Variants in AMPH observed in about 807,000 individuals in gnomAD.
The protein encoded by AMPH is amphiphysin (Stiff-Mann syndrome with breast cancer 128kD autoantigen).
AMPH carries 49 observed loss-of-function variants against 99.1 expected under a neutral mutation model. That is an observed-to-expected ratio of 0.49 (90% CI 0.39 to 0.63). The LOEUF is 0.63. Ranked by LOEUF, AMPH falls within the 20% of genes least tolerant of loss-of-function variation. The probability of loss-of-function intolerance (pLI) is 0.00; values close to 1 mark genes in which losing one functional copy is unlikely to be tolerated. For synonymous variants in AMPH, 314 were observed against 317.3 expected, an observed-to-expected ratio of 0.99 and a Z score of 0.11; for missense variants, 759 against 863.4, an observed-to-expected ratio of 0.88 and a Z score of 1.52.
intron 11 of AMPH, among the ~76,000 whole-genome samples, chr7:38,456,713 T>C (rs1787248001): frequency 6.6e-6 from 1 of 152,144 alleles, no homozygotes; most frequent in Non-Finnish European, 1.5e-5. Flanking sequence ...TGCCCAGAGA[T>C]TTGAGAACCT....
At chr7:38,560,642 A>C (rs1002009365) in intron 1 of AMPH, among the ~76,000 whole-genome samples, 1 of 152,212 alleles carries the variant, frequency 6.6e-6, no homozygotes, top group South Asian at 2.1e-4. Context: ...CAAGAAGAGA[A>C]CTTGTTCTAA....
intron 5 of AMPH, among the ~76,000 whole-genome samples, chr7:38,478,091 A>C (rs1384228415): frequency 6.7e-6 from 1 of 149,516 alleles, no homozygotes; most frequent in Non-Finnish European, 1.5e-5. Flanking sequence ...AACAAACAAA[A>C]CAACAACAAC....
intron 1 of AMPH, among the ~76,000 whole-genome samples, chr7:38,563,024 C>T (rs942993343): frequency 1.3e-5 from 2 of 152,124 alleles, no homozygotes; most frequent in Admixed American, 1.3e-4. Context: ...AATTGTTAAG[C>T]ATGTTATGTT....
chr7:38,579,519 C>A (rs982362132), intron 1 of AMPH, among the ~76,000 whole-genome samples: 1 of 152,230 alleles, frequency 6.6e-6, no homozygotes, highest in Non-Finnish European at 1.5e-5. Context: ...GCTATCTTCT[C>A]CAGAGCAGTA....
intron 1 of AMPH, among the ~76,000 whole-genome samples, chr7:38,576,526 G>T (rs116280409): frequency 6.6e-6 from 1 of 152,188 alleles, no homozygotes; most frequent in Non-Finnish European, 1.5e-5. Context: ...CCAGGAAATC[G>T]TATGTTAAGT....
At chr7:38,387,907 T>C (rs573531542) in intron 20 of AMPH, among the ~76,000 whole-genome samples, 55 of 151,512 alleles carry the variant, frequency 3.6e-4, no homozygotes, top group Non-Finnish European at 5.6e-4. Flanking sequence ...ATTAAACAAA[T>C]GACAGCTGAT....
At chr7:38,415,473 G>A (rs187271532) in intron 17 of AMPH, among the ~76,000 whole-genome samples, 4 of 152,242 alleles carry the variant, frequency 2.6e-5, no homozygotes, top group East Asian at 3.9e-4. Flanking sequence ...TAAATACCAC[G>A]TATCTAGCAA....
rs1193473540 is a variant in AMPH at position 38,406,720 on chromosome 7, CT to C, written c.1398+11104del. Among the ~76,000 whole-genome samples, 1,035 of 113,372 alleles carry C rather than the reference CT, an allele frequency of 9.1e-3. 23 individuals are homozygous for C. Among genetic ancestry groups the C allele is most frequent in the East Asian group, 0.068 (203 of 2,986 alleles). The allele number at this position is 113,372 out of a possible 152,430, so 74.4% of individuals were successfully genotyped here. ...CTGAGTTCTCTCTCCTCTCCTCTCT[CT>C]CTCCCTTTCCCTCTCTCTCTCTCTC... On this transcript the variant is annotated intron_variant, in intron 17 of 20. Coordinates refer to ENST00000356264, the MANE Select transcript of AMPH (RefSeq NM_001635.4).
intron 1 of AMPH, among the ~76,000 whole-genome samples, chr7:38,555,969 GGGGAAGGAGGA>G (rs1016960691): frequency 3.5e-4 from 53 of 152,112 alleles, no homozygotes; most frequent in African/African-American, 1.2e-3. Flanking sequence ...TAGAGCTTGT[GGGGAAGGAGGA>G]GGGAAGGAGG....
chr7:38,625,338 T>C (rs1794207758), intron 1 of AMPH, among the ~76,000 whole-genome samples: 1 of 152,184 alleles, frequency 6.6e-6, no homozygotes, highest in South Asian at 2.1e-4. Flanking sequence ...TGATAAACAT[T>C]TGACATATCT....
intron 11 of AMPH, among the ~76,000 whole-genome samples, chr7:38,456,993 T>A (rs747972262): frequency 1.3e-5 from 2 of 152,214 alleles, no homozygotes; most frequent in South Asian, 2.1e-4. Flanking sequence ...ACTGACACTA[T>A]TTACAGCCAA....
At chr7:38,435,555 C>G (rs1374818837) in intron 12 of AMPH, among the ~76,000 whole-genome samples, 2 of 152,216 alleles carry the variant, frequency 1.3e-5, no homozygotes, top group African/African-American at 4.8e-5. Flanking sequence ...TAACTTCCTT[C>G]TATTAGCACA....
In AMPH at chr7:38,612,573, C is replaced by T. The variant is rs112689904; in HGVS notation, c.69+18710G>A. Among the ~76,000 whole-genome samples the T allele has an allele frequency of 2.3e-3, 345 of 152,142 alleles. 1 individual carries two copies. Among genetic ancestry groups the T allele is most frequent in the Middle Eastern group, 0.017 (5 of 294 alleles). On this transcript the variant is annotated intron_variant, in intron 1 of 20. Coordinates refer to ENST00000356264, the MANE Select transcript of AMPH (RefSeq NM_001635.4). ...ATAGATTATCCATATGAAAGAAGAG[C>T]GAGAGAGGAAATGTCTTTCTATCTT...
chr7:38,587,218 G>A (rs752796465), intron 1 of AMPH, among the ~76,000 whole-genome samples: 23 of 152,144 alleles, frequency 1.5e-4, no homozygotes, highest in Non-Finnish European at 2.4e-4. Flanking sequence ...ACACTGAGTC[G>A]ACACTGTTTA....
intron 17 of AMPH, among the ~76,000 whole-genome samples, chr7:38,402,623 C>A (rs73348843): frequency 0.023 from 3,470 of 152,284 alleles, 117 homozygotes; most frequent in African/African-American, 0.076. Context: ...AAAGGATATA[C>A]TTCTGTGAGA....
intron 2 of AMPH, among the ~76,000 whole-genome samples, chr7:38,524,180 T>C (rs142843728): frequency 6.6e-6 from 1 of 152,190 alleles, no homozygotes; most frequent in Non-Finnish European, 1.5e-5. Flanking sequence ...ATGAGAAAAG[T>C]ATCGGGCAAA....
At chr7:38,390,332 C>A (rs777831169) in intron 19 of AMPH, among the ~76,000 whole-genome samples, 2 of 152,152 alleles carry the variant, frequency 1.3e-5, no homozygotes, top group Non-Finnish European at 2.9e-5. Flanking sequence ...ACTCTGTGAT[C>A]AATTCTGTGT....
In AMPH at chr7:38,441,737, A is replaced by C. The variant is rs556639401; in HGVS notation, c.1018-5349T>G. 1.5e-3 allele frequency among the ~76,000 whole-genome samples: 213 copies of C among 145,580 alleles called. 3 individuals carry two copies. Among genetic ancestry groups the C allele is most frequent in the Non-Finnish European group, 2.3e-3 (155 of 66,826 alleles). ...GGCCTGGATAAAGAAAATGATATATATGACAGATATATCATATATATATCA... is the reference window on the plus strand; with the variant it reads ...GGCCTGGATAAAGAAAATGATATATCTGACAGATATATCATATATATATCA... On this transcript the variant is annotated intron_variant, in intron 11 of 20. Coordinates refer to ENST00000356264, the MANE Select transcript of AMPH (RefSeq NM_001635.4).
At chr7:38,623,624 C>CTGAAG (rs1380877156) in intron 1 of AMPH, among the ~76,000 whole-genome samples, 1 of 152,196 alleles carries the variant, frequency 6.6e-6, no homozygotes, top group Non-Finnish European at 1.5e-5. Context: ...GATTTGGTCT[C>CTGAAG]TGAAGTGTCC....
Sources: gnomAD v4.1 joint callset for allele counts (sites outside exome capture counted in the v4.1 genomes callset) on GRCh38, gnomAD v4.1.1 for gene constraint, MANE v1.5 for transcripts, NCBI Gene and HGNC (gene_info 2026-07-23, HGNC 2026-07-21) for gene names.